FANCA: variants seen among roughly 807,000 people sequenced by gnomAD.
The protein encoded by FANCA is FA complementation group A, also known as Fanconi anemia group A protein.
FANCA carries 236 observed loss-of-function variants against 194.3 expected under a neutral mutation model. That is an observed-to-expected ratio of 1.21 (90% CI 1.09 to 1.35). The LOEUF is 1.35. FANCA is among the 40% of genes most tolerant of loss of function. The pLI is 0.00. For synonymous variants in FANCA, 1,014 were observed against 715.8 expected (o/e 1.42, Z -6.65); for missense variants, 2,628 against 1,813.9 (o/e 1.45, Z -8.15).
chr16:89,764,855 C>T (rs2039071084), intron 28 of FANCA, 35 bp downstream of exon 28: 15 of 1,609,112 alleles, frequency 9.3e-6, no homozygotes, highest in Non-Finnish European at 1.3e-5. Context: ...AGACTCAGGA[C>T]GTGGCATGAT....
rs558672797 is a variant in FANCA at position 89,738,957 on chromosome 16, C to G, written c.4185G>C (p.Leu1395=). Residue 1395 remains leucine, a synonymous_variant, in exon 42 of 43, where the codon CTG becomes CTC. Transcript: ENST00000389301. ...ELKGQGNPVE[L]ITKARLFLLQ... Reference sequence around the variant, plus strand: ...GCAGAAAAAGACGAGCTTTTGTTATCAGTTCCACGGGGTTGCCCTAGAGAG... The same window carrying G: ...GCAGAAAAAGACGAGCTTTTGTTATGAGTTCCACGGGGTTGCCCTAGAGAG... 6.2e-7 allele frequency: 1 copy of G among 1,614,250 alleles called. No individual in the cohort carries two copies. The highest frequency in any genetic ancestry group is 1.3e-5 in the African/African-American group (1 of 75,074).
rs1221107443 is a variant in FANCA, at chr16:89,761,967, G to A, written c.2834C>T (p.Ala945Val). ...LELEIQPEAD[A>V]LSDTERQDFH... ...CACTTACCGTTCAGTATCTGAAAGA[G>A]CATCAGCTTCAGGTTGAATTTCCAG... The change falls in exon 29 of 43, where the codon GCT (alanine) becomes GTT (valine). Residue 945 changes from alanine (A) to valine (V), a missense_variant. Ala to Val is a moderately conservative substitution (Grantham distance 64). Coordinates refer to ENST00000389301, the MANE Select transcript of FANCA (RefSeq NM_000135.4). 6 of 1,613,832 alleles carry A rather than the reference G, an allele frequency of 3.7e-6. No individual in the cohort carries two copies. The highest frequency in any genetic ancestry group is 1.7e-5 in the Admixed American group (1 of 59,982).
intron 14 of FANCA, among the ~76,000 whole-genome samples, chr16:89,789,436 CTTTT>C (rs532159256): frequency 7.8e-5 from 8 of 102,532 alleles, no homozygotes; most frequent in Admixed American, 1.1e-4. Context: ...AAACTCAATA[CTTTT>C]TTTTTTTTTT....
intron 17 of FANCA, among the ~76,000 whole-genome samples, chr16:89,782,454 T>A (rs1260662062): frequency 6.6e-6 from 1 of 150,696 alleles, no homozygotes; most frequent in African/African-American, 2.4e-5. Context: ...GAGGTTGCAG[T>A]GAGCCGAGAT....
chr16:89,767,022 C>A, intron 27 of FANCA, 119 bp downstream of exon 27: 1 of 838,088 alleles, frequency 1.2e-6, no homozygotes, highest in Non-Finnish European at 2.1e-6. Flanking sequence ...GCCAGCCTGA[C>A]CCAGGAGCTG....
chr16:89,806,635 A>G (rs1007411051), intron 6 of FANCA, among the ~76,000 whole-genome samples: 44 of 152,274 alleles, frequency 2.9e-4, no homozygotes, highest in Non-Finnish European at 4.9e-4. Context: ...GAGTGGACAC[A>G]GCACATGTTT....
chr16:89,752,555 T>G (rs1459393308), intron 30 of FANCA, among the ~76,000 whole-genome samples: 3 of 152,188 alleles, frequency 2.0e-5, no homozygotes, highest in Non-Finnish European at 4.4e-5. Flanking sequence ...CAGATATAGA[T>G]CTTAGATATG....
chr16:89,763,655 G>A (rs2039026469), intron 28 of FANCA, among the ~76,000 whole-genome samples: 1 of 151,930 alleles, frequency 6.6e-6, no homozygotes, highest in South Asian at 2.1e-4. Flanking sequence ...CAAGTTCCCA[G>A]GGGCCGAGCG....
chr16:89,814,320 T>A (rs1377319559), intron 3 of FANCA, among the ~76,000 whole-genome samples, 200 bp downstream of exon 3: 1 of 152,190 alleles, frequency 6.6e-6, no homozygotes, highest in Non-Finnish European at 1.5e-5. Flanking sequence ...GCAGGTTGAA[T>A]CAGACGCTGT....
intron 28 of FANCA, 188 bp downstream of exon 28, chr16:89,764,702 G>T: frequency 1.4e-6 from 1 of 728,072 alleles, no homozygotes. Flanking sequence ...CCTCTGAGGA[G>T]ACAGTCGGCA....
At chr16:89,806,937 C>T (rs988721965) in intron 6 of FANCA, among the ~76,000 whole-genome samples, 6 of 152,200 alleles carry the variant, frequency 3.9e-5, no homozygotes, top group South Asian at 2.1e-4. Flanking sequence ...CGGGCAGAGG[C>T]GCCCCTCACC....
At chr16:89,779,098 G>A (rs2039616167) in intron 18 of FANCA, 95 bp from the exon 19 acceptor site, 1 of 1,181,296 alleles carries the variant, frequency 8.5e-7, no homozygotes, top group Non-Finnish European at 1.2e-6. Context: ...GGACTGCGAG[G>A]GCTCACTCCA....
chr16:89,739,425 T>C, intron 40 of FANCA, 53 bp downstream of exon 40: 1 of 1,553,344 alleles, frequency 6.4e-7, no homozygotes, highest in South Asian at 1.2e-5. Context: ...GGTGCTGAGA[T>C]GGGGGTCTGG....
At chr16:89,746,202 CCA>C (rs969063867) in intron 35 of FANCA, among the ~76,000 whole-genome samples, 2 of 152,180 alleles carry the variant, frequency 1.3e-5, no homozygotes, top group Non-Finnish European at 2.9e-5. Context: ...CGCAAGTGGG[CCA>C]CAGTCATGCT....
chr16:89,739,623 T>C (rs1365478162), intron 39 of FANCA, 70 bp from the exon 40 acceptor site: 7 of 1,526,070 alleles, frequency 4.6e-6, no homozygotes, highest in Non-Finnish European at 6.2e-6. Context: ...GGGACACCCC[T>C]GGGGGTCGGG....
At chr16:89,799,696 C>A in intron 8 of FANCA, 58 bp from the exon 9 acceptor site, 2 of 1,329,418 alleles carry the variant, frequency 1.5e-6, no homozygotes, top group Non-Finnish European at 1.1e-6. Context: ...TGTGTGATAC[C>A]TGCATCACAC....
At chr16:89,771,237 T>C (rs1295160956) in intron 23 of FANCA, among the ~76,000 whole-genome samples, 1 of 149,838 alleles carries the variant, frequency 6.7e-6, no homozygotes, top group Non-Finnish European at 1.5e-5. Flanking sequence ...GGCAGACAGA[T>C]CACTTGACCT....
rs1185705403 is a variant in FANCA at position 89,801,298 on chromosome 16, C to G, written c.793-1660G>C. Among the ~76,000 whole-genome samples the G allele has an allele frequency of 2.1e-5, 3 of 140,748 alleles. No individual in the cohort carries two copies. The South Asian group carries it at 7.0e-4, about 33-fold the overall frequency. The allele number at this position is 140,748 out of a possible 152,430, so 92.3% of individuals were successfully genotyped here. A position where few individuals can be genotyped will look rare whatever the true frequency, so the allele number is the denominator to read the frequency against. ...GGCGGAGCTTGCAGTGAGCCGAGAT[C>G]GCGCCACTGCACTCCAGCCCGGGCG... On this transcript the variant is annotated intron_variant, in intron 8 of 42. Transcript: ENST00000389301.
chr16:89,761,981 T>G lies in FANCA; in HGVS notation c.2820A>C (p.Gln940His), dbSNP rs776686639. 2 of 1,614,074 alleles carry G rather than the reference T, an allele frequency of 1.2e-6. No individual in the cohort carries two copies. Among genetic ancestry groups the G allele is most frequent in the East Asian group, 2.2e-5 (1 of 44,878 alleles). Residue 940 changes from glutamine (Q) to histidine (H), a missense_variant, in exon 29 of 43, where the codon CAA becomes CAC. Coordinates refer to ENST00000389301, the MANE Select transcript of FANCA (RefSeq NM_000135.4). ...TATCTGAAAGAGCATCAGCTTCAGG[T>G]TGAATTTCCAGCTCCAGGTGTAACC... ...QDWLHLELEI[Q>H]PEADALSDTE...
Sources: gnomAD v4.1 joint callset for allele counts (sites outside exome capture counted in the v4.1 genomes callset) on GRCh38, gnomAD v4.1.1 for gene constraint, MANE v1.5 for transcripts, NCBI Gene and HGNC (gene_info 2026-07-23, HGNC 2026-07-21) for gene names.